The following PCDHA5 variants were observed in gnomAD, a reference collection of about 807,000 sequenced individuals.
The protein encoded by PCDHA5 is protocadherin alpha-5.
A neutral mutation model predicts 61.6 loss-of-function variants in PCDHA5; 43 were observed. That is an observed-to-expected ratio of 0.70 (90% CI 0.55 to 0.90). The LOEUF is 0.90. Ranked by LOEUF, PCDHA5 falls within the 40% of genes least tolerant of loss-of-function variation. PCDHA5 has a pLI of 0.00. For synonymous variants in PCDHA5, 627 were observed against 543.9 expected (o/e 1.15, Z -2.13); for missense variants, 1,298 against 1,222.7 (o/e 1.06, Z -0.92).
chr5:140,835,130 G>A, intron 1 of PCDHA5: 1 of 1,362,542 alleles, frequency 7.3e-7, no homozygotes, highest in Non-Finnish European at 1.0e-6. Flanking sequence ...TGTATACGGT[G>A]AAATTACCAG....
chr5:140,863,525 C>A, intron 1 of PCDHA5: 1 of 394,654 alleles, frequency 2.5e-6, no homozygotes, highest in South Asian at 2.0e-5. Context: ...TCCCATGGTT[C>A]AGATTTTGGA....
At chr5:140,979,973 A>G (rs782560392) in intron 2 of PCDHA5, among the ~76,000 whole-genome samples, 9 of 152,230 alleles carry the variant, frequency 5.9e-5, no homozygotes, top group Non-Finnish European at 1.0e-4. Context: ...ATTAAAATGC[A>G]TTAGATTGAA....
chr5:140,994,233 T>A (rs2097606681), intron 3 of PCDHA5, among the ~76,000 whole-genome samples: 1 of 152,138 alleles, frequency 6.6e-6, no homozygotes, highest in Admixed American at 6.5e-5. Context: ...TATGTTATAA[T>A]CAATTCAAAC....
intron 3 of PCDHA5, among the ~76,000 whole-genome samples, chr5:141,008,574 A>G (rs1554261815): frequency 1.3e-5 from 2 of 152,164 alleles, no homozygotes; most frequent in Admixed American, 1.3e-4. Context: ...TCATTTTCCC[A>G]AGACTCAGGG....
chr5:140,927,609 C>T (rs1285751413), intron 1 of PCDHA5: 1 of 1,614,076 alleles, frequency 6.2e-7, no homozygotes, highest in Admixed American at 1.7e-5. Flanking sequence ...CCGTATACCG[C>T]ACCAAGGTTC....
Position 140,915,075 on chromosome 5 carries a change from A to T in PCDHA5, c.2353-63874A>T, listed in dbSNP as rs111889109. ...ATTCTCCTGCCTTAGCCTACTGAGTAGCTGGGACTATGGGCACGCACCACC... is the reference window on the plus strand; with the variant it reads ...ATTCTCCTGCCTTAGCCTACTGAGTTGCTGGGACTATGGGCACGCACCACC... On this transcript the variant is annotated intron_variant, in intron 1 of 3. Transcript: ENST00000529859. 7.1e-3 allele frequency among the ~76,000 whole-genome samples: 1,070 copies of T among 151,432 alleles called. 10 individuals are homozygous for T. The highest frequency in any genetic ancestry group is 0.025 in the African/African-American group (1,035 of 41,220).
intron 1 of PCDHA5, among the ~76,000 whole-genome samples, chr5:140,907,434 A>G (rs782559641): frequency 2.5e-4 from 38 of 152,256 alleles, no homozygotes; most frequent in Non-Finnish European, 4.4e-4. Context: ...GCATTCTGTG[A>G]GTCCACAGAT....
chr5:140,886,158 C>A (rs888588847), intron 1 of PCDHA5, among the ~76,000 whole-genome samples: 2 of 152,142 alleles, frequency 1.3e-5, no homozygotes, highest in South Asian at 4.1e-4. Context: ...CTTTTTATAG[C>A]CACATCTGCT....
chr5:140,935,379 C>T (rs2090338823), intron 1 of PCDHA5, among the ~76,000 whole-genome samples: 1 of 152,196 alleles, frequency 6.6e-6, no homozygotes, highest in African/African-American at 2.4e-5. Context: ...CAGAATTACT[C>T]ATTTGTTATC....
chr5:140,932,703 G>A (rs1218359293), intron 1 of PCDHA5, among the ~76,000 whole-genome samples: 2 of 151,660 alleles, frequency 1.3e-5, no homozygotes, highest in Non-Finnish European at 3.0e-5. Flanking sequence ...AACTCATATA[G>A]ACAACACAAT....
intron 1 of PCDHA5, among the ~76,000 whole-genome samples, chr5:140,839,578 T>TG (rs1264891718): frequency 1.3e-5 from 2 of 151,912 alleles, no homozygotes; most frequent in Non-Finnish European, 2.9e-5. Context: ...TTTGTAGAGA[T>TG]GGGGTCTTAC....
intron 1 of PCDHA5, chr5:140,871,323 CT>C (rs2052977645): frequency 6.2e-7 from 1 of 1,614,102 alleles, no homozygotes; most frequent in Non-Finnish European, 8.5e-7. Context: ...CGCTGGTGTG[CT>C]CCCGCGCGGT....
intron 3 of PCDHA5, among the ~76,000 whole-genome samples, chr5:141,005,308 T>TA (rs2098205734): frequency 6.6e-6 from 1 of 152,214 alleles, no homozygotes; most frequent in Non-Finnish European, 1.5e-5. Context: ...TTGTGAATCT[T>TA]ACAGTGGTAG....
chr5:140,839,273 ACCTT>A (rs1255974388), intron 1 of PCDHA5, among the ~76,000 whole-genome samples: 6 of 152,020 alleles, frequency 3.9e-5, no homozygotes, highest in Admixed American at 3.3e-4. Flanking sequence ...TATATTTAAA[ACCTT>A]CCTAGCATAT....
intron 1 of PCDHA5, chr5:140,828,303 G>A: frequency 1.2e-6 from 2 of 1,614,088 alleles, no homozygotes; most frequent in Non-Finnish European, 8.5e-7. Context: ...TCCAAAGACC[G>A]CGAGGACCTT....
chr5:140,972,316 G>GTT (rs112435719), intron 1 of PCDHA5, among the ~76,000 whole-genome samples: 1 of 139,858 alleles, frequency 7.2e-6, no homozygotes, highest in Non-Finnish European at 1.6e-5. Flanking sequence ...GTTTTTAGGT[G>GTT]TTTTTTTTTT....
At chr5:140,842,917 G>A in intron 1 of PCDHA5, 1 of 1,594,694 alleles carries the variant, frequency 6.3e-7, no homozygotes, top group Non-Finnish European at 8.6e-7. Flanking sequence ...AGCTGCTGCA[G>A]TTCCAGGTGA....
At chr5:140,835,310 T>C in intron 1 of PCDHA5, 1 of 1,613,100 alleles carries the variant, frequency 6.2e-7, no homozygotes, top group Non-Finnish European at 8.5e-7. Context: ...GACATATGGA[T>C]TTTGAAGAAA....
chr5:140,978,802 T>C, intron 1 of PCDHA5, 147 bp from the exon 2 acceptor site: 1 of 1,483,264 alleles, frequency 6.7e-7, no homozygotes, highest in Non-Finnish European at 9.0e-7. Flanking sequence ...TATGTAGATA[T>C]CATCATAGAG....
Sources: allele counts gnomAD v4.1 joint callset (sites outside exome capture counted in the v4.1 genomes callset), GRCh38; gene constraint gnomAD v4.1.1; transcripts MANE v1.5; gene names NCBI Gene and HGNC (gene_info 2026-07-23, HGNC 2026-07-21).